Variants in DISC1 observed in about 807,000 individuals in gnomAD.
DISC1 encodes the protein DISC1 scaffold protein.
Under a neutral mutation model 84.5 loss-of-function variants are expected in DISC1, and 57 were observed. The ratio of observed to expected loss-of-function variants is 0.67; its 90% CI spans 0.55 to 0.84. The LOEUF is 0.84. Ranked by LOEUF, DISC1 falls within the 40% of genes least tolerant of loss-of-function variation. The pLI, the probability that DISC1 is intolerant of heterozygous loss-of-function variation, is 0.00. For synonymous variants in DISC1, 411 were observed against 415.2 expected (o/e 0.99, Z 0.12); for missense variants, 1,000 against 1,057.8 (o/e 0.95, Z 0.76).
intron 9 of DISC1, among the ~76,000 whole-genome samples, chr1:231,825,529 G>T (rs1334872076): frequency 6.6e-6 from 1 of 152,170 alleles, no homozygotes. Flanking sequence ...AAGAGTGATG[G>T]TAAGTGGAAC....
chr1:231,952,492 G>A (rs1172678491), intron 9 of DISC1, among the ~76,000 whole-genome samples: 3 of 152,066 alleles, frequency 2.0e-5, no homozygotes, highest in Non-Finnish European at 4.4e-5. Flanking sequence ...ATAGGTGATA[G>A]CAGAATGCTA....
At chr1:231,912,789 CTTTCTTTCTT>C (rs2089333080) in intron 9 of DISC1, among the ~76,000 whole-genome samples, 2 of 137,524 alleles carry the variant, frequency 1.5e-5, no homozygotes, top group African/African-American at 5.6e-5. Context: ...TTCTTTCTTT[CTTTCTTTCTT>C]TCTTTCTTTT....
At chr1:231,809,524 GAA>G (rs10692560) in intron 8 of DISC1, among the ~76,000 whole-genome samples, 1,985 of 123,782 alleles carry the variant, frequency 0.016, 18 homozygotes, top group African/African-American at 0.039. Flanking sequence ...TTTTTTTTTT[GAA>G]AAAAAAAAAA....
intron 10 of DISC1, among the ~76,000 whole-genome samples, chr1:231,980,565 AT>A (rs111711782): frequency 3.8e-4 from 58 of 152,306 alleles, no homozygotes; most frequent in African/African-American, 1.2e-3. Flanking sequence ...TGCCAAAAAA[AT>A]ATTTTTCTAT....
At chr1:231,807,429 C>T (rs1028613899) in intron 8 of DISC1, among the ~76,000 whole-genome samples, 7 of 152,186 alleles carry the variant, frequency 4.6e-5, no homozygotes, top group East Asian at 1.9e-4. Context: ...TTGAGTCACC[C>T]TCCAATTTTT....
intron 9 of DISC1, among the ~76,000 whole-genome samples, chr1:231,933,574 A>T (rs142737598): frequency 4.6e-5 from 7 of 152,272 alleles, no homozygotes; most frequent in African/African-American, 1.7e-4. Context: ...ATTATGGCAC[A>T]CTTGCTACCT....
intron 3 of DISC1, among the ~76,000 whole-genome samples, chr1:231,730,525 A>G (rs1190309953): frequency 2.0e-5 from 3 of 152,146 alleles, no homozygotes; most frequent in African/African-American, 7.2e-5. Flanking sequence ...TGATCCTGTC[A>G]CCCCAAATGT....
intron 1 of DISC1, among the ~76,000 whole-genome samples, chr1:231,689,864 A>C (rs2064776840): frequency 6.6e-6 from 1 of 152,128 alleles, no homozygotes; most frequent in Non-Finnish European, 1.5e-5. Context: ...TTAGGGGGGA[A>C]TGAGTGATGG....
At chr1:231,719,715 CTT>C (rs1043294416) in intron 3 of DISC1, among the ~76,000 whole-genome samples, 5 of 152,122 alleles carry the variant, frequency 3.3e-5, no homozygotes, top group Admixed American at 2.6e-4. Flanking sequence ...TTTTTAATCT[CTT>C]TGTGTTTTTT....
At chr1:231,829,960 G>A (rs1197139816) in intron 9 of DISC1, among the ~76,000 whole-genome samples, 1 of 152,144 alleles carries the variant, frequency 6.6e-6, no homozygotes, top group East Asian at 1.9e-4. Context: ...GTTAAGGCAG[G>A]AACAGGCCAT....
intron 9 of DISC1, among the ~76,000 whole-genome samples, chr1:231,877,938 C>G (rs2086014793): frequency 6.6e-6 from 1 of 152,138 alleles, no homozygotes. Flanking sequence ...GTAAGTATCT[C>G]AATTCATATT....
At position 231,818,515 on chromosome 1, in the gene DISC1, A is replaced by G. The variant is rs763302143; in HGVS notation, c.1979A>G (p.Tyr660Cys). The change falls in exon 9 of 13, where the codon TAT becomes TGT. Residue 660 changes from tyrosine to cysteine, a missense_variant and splice_region_variant. Tyr to Cys is a radical substitution (Grantham distance 194). Coordinates refer to ENST00000439617, the MANE Select transcript of DISC1 (RefSeq NM_018662.3). ...RREVEHQETA[Y>C]ETSVKENTMK... is the part of the protein sequence containing the mutation. ...GAAGTGGAGCACCAGGAGACTGCCT[A>G]TGGTAGGTAGTGCACAACTGTTCCC... The G allele has an allele frequency of 2.5e-6, 4 of 1,614,070 alleles. No homozygotes were observed. Among genetic ancestry groups the G allele is most frequent in the East Asian group, 2.2e-5 (1 of 44,874 alleles).
chr1:231,729,012 G>T (rs114542489), intron 3 of DISC1, among the ~76,000 whole-genome samples: 1,600 of 152,050 alleles, frequency 0.011, 34 homozygotes, highest in African/African-American at 0.036. Flanking sequence ...CCCAAAACAG[G>T]CCTGGTGTGT....
intron 9 of DISC1, among the ~76,000 whole-genome samples, chr1:231,928,240 G>A (rs996628555): frequency 4.6e-5 from 7 of 152,142 alleles, no homozygotes; most frequent in African/African-American, 1.7e-4. Context: ...GAAAGATAGG[G>A]ATGACATGAT....
chr1:231,718,401 G>A (rs2125078461), intron 3 of DISC1, among the ~76,000 whole-genome samples: 1 of 149,798 alleles, frequency 6.7e-6, no homozygotes, highest in Admixed American at 6.6e-5. Context: ...TTCATTTCTT[G>A]CCATTCCTTC....
rs73091799 is a variant in DISC1 at position 231,846,613 on chromosome 1, C to A, written c.1981+28096C>A. On this transcript the variant is annotated intron_variant, in intron 9 of 12. Transcript: ENST00000439617. ...TAGACACTCACGGTGCAGGGACACG[C>A]CAGTTCCAAATCGCATCTTTACTTT... is the stretch of plus-strand genomic sequence containing the variant. Among the ~76,000 whole-genome samples the A allele has an allele frequency of 2.8e-3, 432 of 152,304 alleles. 2 individuals carry two copies. The highest frequency in any genetic ancestry group is 1.0e-2 in the African/African-American group (415 of 41,550).
chr1:231,819,836 T>G (rs1237866834), intron 9 of DISC1, among the ~76,000 whole-genome samples: 7 of 152,164 alleles, frequency 4.6e-5, no homozygotes, highest in African/African-American at 1.7e-4. Context: ...ATGAAGAATA[T>G]ATTATATCCA....
chr1:231,662,250 TGA>T lies in DISC1; in HGVS notation c.68-31574_68-31573del, dbSNP rs2061622730. On this transcript the variant is annotated intron_variant, in intron 1 of 12. Coordinates refer to ENST00000439617, the MANE Select transcript of DISC1 (RefSeq NM_018662.3). ...ATGGTATCAGGGACCCATTTAAAGA[TGA>T]GTCTTGCTGCTTTTTGTCTGAGGAG... Among the ~76,000 whole-genome samples, 4 of 152,344 alleles carry T rather than the reference TGA, an allele frequency of 2.6e-5. No individual in the cohort carries two copies. In the South Asian group the frequency reaches 8.3e-4, roughly 32 times the overall value.
At chr1:231,907,108 CTCCT>C (rs138288801) in intron 9 of DISC1, among the ~76,000 whole-genome samples, 10 of 81,352 alleles carry the variant, frequency 1.2e-4, no homozygotes, top group African/African-American at 2.1e-4. Context: ...CCTTCCTTCT[CTCCT>C]TCCTTCCTTC....
Sources: allele counts gnomAD v4.1 joint callset (sites outside exome capture counted in the v4.1 genomes callset), GRCh38; gene constraint gnomAD v4.1.1; transcripts MANE v1.5; gene names NCBI Gene and HGNC (gene_info 2026-07-23, HGNC 2026-07-21).